The following PCLO variants were observed in gnomAD, a reference collection of about 807,000 sequenced individuals.
PCLO encodes piccolo presynaptic cytomatrix protein, also known as protein piccolo.
A neutral mutation model predicts 427.5 loss-of-function variants in PCLO; 82 were observed. That is an observed-to-expected ratio of 0.19 (90% CI 0.16 to 0.23). The LOEUF (loss-of-function observed/expected upper bound fraction) is 0.23. Ranked by LOEUF, PCLO falls within the 10% of genes least tolerant of loss-of-function variation. The pLI, the probability that PCLO is intolerant of heterozygous loss-of-function variation, is 1.00. For synonymous variants in PCLO, 2,357 were observed against 2,155.4 expected (o/e 1.09, Z -2.59); for missense variants, 6,239 against 6,115.9 (o/e 1.02, Z -0.67).
intron 15 of PCLO, 81 bp downstream of exon 15, chr7:82,838,137 T>A (rs181583569): frequency 1.1e-6 from 1 of 918,500 alleles, no homozygotes; most frequent in East Asian, 2.7e-5. Context: ...TCAATTAAAA[T>A]GAGGTGTGGA....
At position 82,966,353 on chromosome 7, in the gene PCLO, AGAT is replaced by A. The variant is rs1296177022; in HGVS notation, c.3432_3434del (p.Ser1145del). 8 of 1,613,508 alleles carry A rather than the reference AGAT, an allele frequency of 5.0e-6. No homozygotes were observed. Among genetic ancestry groups the A allele is most frequent in the Admixed American group, 3.3e-5 (2 of 59,960 alleles). On this transcript the variant is annotated inframe_deletion, in exon 4 of 25. Coordinates refer to ENST00000333891, the MANE Select transcript of PCLO (RefSeq NM_033026.6). The stretch of plus-strand genomic sequence containing the variant: ...CTTGGGGAGGCACTGCTGTTTTCTG[AGAT>A]GATGATTCTGTAGGAACAGGCATAG...
chr7:82,821,818 G>A (rs1263047204), intron 20 of PCLO: 4 of 981,726 alleles, frequency 4.1e-6, no homozygotes, highest in Non-Finnish European at 4.8e-6. Flanking sequence ...TATCACATAT[G>A]CTTATACATA....
rs1794428270 is a variant in PCLO, at chr7:82,915,512, A to C, written c.12474T>G (p.Phe4158Leu). 1.2e-6 allele frequency: 2 copies of C among 1,613,622 alleles called. No homozygotes were observed. Among genetic ancestry groups the C allele is most frequent in the African/African-American group, 2.7e-5 (2 of 74,910 alleles). Residue 4158 changes from phenylalanine to leucine, a missense_variant, in exon 7 of 25, where the codon TTT (phenylalanine) becomes TTG (leucine). Physicochemically the swap from Phe to Leu is conservative, Grantham distance 22. This residue lies in a region of PCLO where 680 missense variants were observed against 677.3 expected (regional missense o/e 1.00). Transcript: ENST00000333891. Reference sequence around the variant, plus strand: ...TGATGCTATACTTCTCAGATTTTGGAAAATGTCTGTAGCTAGTATCAGCAT... The same window carrying C: ...TGATGCTATACTTCTCAGATTTTGGCAAATGTCTGTAGCTAGTATCAGCAT... ...YYHADTSYRH[F>L]PKSEKYSISR...
At position 83,096,634 on chromosome 7, in the gene PCLO, A is replaced by C. The variant is rs150391610; in HGVS notation, c.3300+37616T>G. 3.8e-4 allele frequency among the ~76,000 whole-genome samples: 57 copies of C among 149,242 alleles called. 1 individual carries two copies. In the East Asian group the frequency reaches 9.3e-3, roughly 24 times the overall value. ...ATTGCCATCAAAATTCAGCATGTCGAATTTTGTCTTATAGTCTCTAATTTG... is the reference window on the plus strand; with the variant it reads ...ATTGCCATCAAAATTCAGCATGTCGCATTTTGTCTTATAGTCTCTAATTTG... On this transcript the variant is annotated intron_variant, in intron 3 of 24. Transcript: ENST00000333891.
intron 3 of PCLO, among the ~76,000 whole-genome samples, chr7:83,078,605 C>T (rs1255552431): frequency 6.6e-6 from 1 of 151,726 alleles, no homozygotes; most frequent in Non-Finnish European, 1.5e-5. Flanking sequence ...GATCTCAGCT[C>T]ACTGCAACCT....
chr7:82,978,397 TCTC>T (rs1276795224), intron 3 of PCLO, among the ~76,000 whole-genome samples: 1 of 152,116 alleles, frequency 6.6e-6, no homozygotes, highest in Non-Finnish European at 1.5e-5. Flanking sequence ...TTTTAAAAAT[TCTC>T]CTGTTCTGTT....
At chr7:82,863,545 A>G (rs1486203696) in intron 10 of PCLO, among the ~76,000 whole-genome samples, 1 of 151,988 alleles carries the variant, frequency 6.6e-6, no homozygotes, top group Non-Finnish European at 1.5e-5. Context: ...TCTTTAATAA[A>G]TAGAATTCAA....
intron 12 of PCLO, among the ~76,000 whole-genome samples, 168 bp from the exon 13 acceptor site, chr7:82,845,653 A>AT (rs1792482391): frequency 6.6e-6 from 1 of 152,176 alleles, no homozygotes; most frequent in African/African-American, 2.4e-5. Flanking sequence ...TTTCTAAGGA[A>AT]GTCTACAAGG....
chr7:83,109,187 C>T (rs1437649642), intron 3 of PCLO, among the ~76,000 whole-genome samples: 3 of 152,128 alleles, frequency 2.0e-5, no homozygotes, highest in African/African-American at 7.2e-5. Context: ...TGTTCCTTGC[C>T]AGACTGACTA....
chr7:82,814,553 A>G (rs1277250927), intron 20 of PCLO, among the ~76,000 whole-genome samples: 1 of 151,526 alleles, frequency 6.6e-6, no homozygotes, highest in Non-Finnish European at 1.5e-5. Context: ...ACAAGCTTAA[A>G]TATTTTAGTC....
chr7:83,076,499 G>A (rs1789955776), intron 3 of PCLO, among the ~76,000 whole-genome samples: 2 of 152,058 alleles, frequency 1.3e-5, no homozygotes, highest in Non-Finnish European at 2.9e-5. Flanking sequence ...CTGACCTCAG[G>A]TGATCCGCCT....
In PCLO at chr7:82,761,399, T is replaced by G; in HGVS notation, c.15102A>C (p.Arg5034Ser). 1 of 1,537,548 alleles carries G rather than the reference T, an allele frequency of 6.5e-7. No homozygotes were observed. Among genetic ancestry groups the G allele is most frequent in the Non-Finnish European group, 8.9e-7 (1 of 1,121,428 alleles). Residue 5034 changes from arginine (R) to serine (S), a missense_variant, in exon 23 of 25, where the codon AGA becomes AGC. This residue lies in a region of PCLO where 877 missense variants were observed against 925.5 expected (regional missense o/e 0.95). Transcript: ENST00000333891. ...EQLIVEILQC[R>S]NITYKFKSPD... ...GAGACTTAAATTTGTATGTAATATTTCTGCATTGGAGAATTTCAACTATTA... is the reference window on the plus strand; with the variant it reads ...GAGACTTAAATTTGTATGTAATATTGCTGCATTGGAGAATTTCAACTATTA...
At chr7:82,850,553 A>G (rs1410194556) in intron 10 of PCLO, among the ~76,000 whole-genome samples, 1 of 152,118 alleles carries the variant, frequency 6.6e-6, no homozygotes, top group African/African-American at 2.4e-5. Context: ...TCTCTTTATA[A>G]TACAAAATTT....
intron 3 of PCLO, among the ~76,000 whole-genome samples, chr7:82,987,581 G>A (rs1796283977): frequency 6.6e-6 from 1 of 151,872 alleles, no homozygotes; most frequent in Middle Eastern, 3.2e-3. Flanking sequence ...GACTCCTAAC[G>A]TGCAATTTTA....
intron 3 of PCLO, among the ~76,000 whole-genome samples, chr7:83,123,160 AG>A (rs1279281782): frequency 6.6e-6 from 1 of 152,200 alleles, no homozygotes; most frequent in Non-Finnish European, 1.5e-5. Flanking sequence ...GACCAAGAAT[AG>A]CCAAAGCCAT....
At chr7:82,999,031 C>G (rs182721018) in intron 3 of PCLO, among the ~76,000 whole-genome samples, 4 of 147,414 alleles carry the variant, frequency 2.7e-5, no homozygotes, top group African/African-American at 9.9e-5. Flanking sequence ...AACACTGTAA[C>G]AGAAATGAAA....
chr7:82,956,207 G>A lies in PCLO; in HGVS notation c.4746C>T (p.Leu1582=), dbSNP rs776390881. 2.2e-5 allele frequency: 36 copies of A among 1,609,902 alleles called. No individual in the cohort carries two copies. The highest frequency in any genetic ancestry group is 2.7e-5 in the Non-Finnish European group (32 of 1,179,812). The change falls in exon 5 of 25, where the codon CTC becomes CTT. Residue 1582 remains leucine (L), a synonymous_variant. Coordinates refer to ENST00000333891, the MANE Select transcript of PCLO (RefSeq NM_033026.6). ...TCTCAGTACTGCTACTAATCTCTTTGAGCTGGTTTCTGATGAACTCATCAT... is the reference window on the plus strand; with the variant it reads ...TCTCAGTACTGCTACTAATCTCTTTAAGCTGGTTTCTGATGAACTCATCAT... ...SEDDEFIRNQ[L]KEISSSTESQ...
In PCLO at chr7:83,050,590, C is replaced by A. The variant is rs191560461; in HGVS notation, c.3300+83660G>T. Among the ~76,000 whole-genome samples, 25 of 151,952 alleles carry A rather than the reference C, an allele frequency of 1.6e-4. 1 individual carries two copies. Among genetic ancestry groups the A allele is most frequent in the African/African-American group, 5.8e-4 (24 of 41,474 alleles). ...AGTATAAAAAGAAAATTATATACAA[C>A]AACCAATTGTTGGATTTATCCTAGG... On this transcript the variant is annotated intron_variant, in intron 3 of 24. Coordinates refer to ENST00000333891, the MANE Select transcript of PCLO (RefSeq NM_033026.6).
At chr7:82,781,852 G>A (rs1353325985) in intron 22 of PCLO, among the ~76,000 whole-genome samples, 5 of 152,186 alleles carry the variant, frequency 3.3e-5, no homozygotes, top group African/African-American at 7.2e-5. Context: ...GGTTTGAGGA[G>A]CTTCTGGAGA....
Sources: gnomAD v4.1 joint callset for allele counts (sites outside exome capture counted in the v4.1 genomes callset) on GRCh38, gnomAD v4.1.1 for gene constraint, gnomAD v4.1.1 regional missense constraint, MANE v1.5 for transcripts, NCBI Gene and HGNC (gene_info 2026-07-23, HGNC 2026-07-21) for gene names.